Variants in UTRN observed in about 807,000 individuals in gnomAD.
UTRN encodes the protein dystrophin-related protein 1.
Under a neutral mutation model 463.9 loss-of-function variants are expected in UTRN, and 283 were observed. The ratio of observed to expected loss-of-function variants is 0.61; its 90% CI spans 0.55 to 0.67. UTRN has a LOEUF of 0.67. Among genes scored for constraint, UTRN ranks in the 30% least tolerant of loss-of-function variants. UTRN has a pLI of 0.00. For missense variants in UTRN, 3,922 were observed against 4,084.3 expected, an observed-to-expected ratio of 0.96 and a Z score of 1.08; for synonymous variants, 1,442 against 1,431.5, an observed-to-expected ratio of 1.01 and a Z score of -0.17.
intron 63 of UTRN, among the ~76,000 whole-genome samples, chr6:144,795,347 T>C (rs1462680765): frequency 1.3e-5 from 2 of 152,236 alleles, no homozygotes; most frequent in Non-Finnish European, 2.9e-5. Flanking sequence ...CGCATGTGTC[T>C]TTATAGTAGA....
intron 2 of UTRN, among the ~76,000 whole-genome samples, chr6:144,323,660 CCTTGTTCTCTCTTTCTCTTG>C (rs1422363373): frequency 3.3e-5 from 5 of 152,104 alleles, no homozygotes; most frequent in African/African-American, 1.2e-4. Context: ...TCTTTCTCTT[CCTTGTTCTCTCTTTCTCTTG>C]CTTGTTTTTT....
intron 50 of UTRN, among the ~76,000 whole-genome samples, 181 bp from the exon 51 acceptor site, chr6:144,576,918 T>A (rs1052794788): frequency 2.0e-5 from 3 of 152,204 alleles, no homozygotes; most frequent in African/African-American, 7.2e-5. Context: ...AGAATTCACA[T>A]GATCCCTCCA....
chr6:144,744,618 CACACACACACAT>C (rs141369188), intron 54 of UTRN, among the ~76,000 whole-genome samples: 20,328 of 97,086 alleles, frequency 0.21, 1,733 homozygotes, highest in East Asian at 0.56. Context: ...CACACACACA[CACACACACACAT>C]ACACACACAC....
In UTRN at chr6:144,683,075, G is replaced by A. The variant is rs547506664; in HGVS notation, c.7652+4497G>A. On this transcript the variant is annotated intron_variant, in intron 52 of 74. Coordinates refer to ENST00000367545, the MANE Select transcript of UTRN (RefSeq NM_007124.3). ...GTGCTCAAGGGGCATTCATCATGTG[G>A]CCAATAGAGAACTCAAATGCCATGT... is the stretch of plus-strand genomic sequence containing the variant. 5.3e-5 allele frequency among the ~76,000 whole-genome samples: 8 copies of A among 152,244 alleles called. No homozygotes were observed. The East Asian group carries it at 9.6e-4, about 18-fold the overall frequency.
chr6:144,456,554 G>A (rs1473410657), intron 19 of UTRN, among the ~76,000 whole-genome samples: 1 of 151,770 alleles, frequency 6.6e-6, no homozygotes, highest in Non-Finnish European at 1.5e-5. Context: ...TCAGGAGGCT[G>A]AGGCAGGAGA....
intron 54 of UTRN, among the ~76,000 whole-genome samples, chr6:144,736,049 TTTG>T (rs1442031557): frequency 2.6e-5 from 4 of 152,336 alleles, no homozygotes; most frequent in East Asian, 3.9e-4. Context: ...TATGGTTTTT[TTTG>T]TTGTTGTTTG....
At chr6:144,802,404 G>A (rs1007952177) in intron 64 of UTRN, among the ~76,000 whole-genome samples, 3 of 152,044 alleles carry the variant, frequency 2.0e-5, no homozygotes, top group African/African-American at 7.2e-5. Context: ...TTTTTCTGTA[G>A]ATGTGGGTAT....
chr6:144,678,921 C>A, intron 52 of UTRN, among the ~76,000 whole-genome samples: 1 of 152,008 alleles, frequency 6.6e-6, no homozygotes, highest in Non-Finnish European at 1.5e-5. Context: ...ATTTCGTAAT[C>A]AAAAAATCCT....
chr6:144,674,231 C>G (rs1781359711), intron 51 of UTRN, among the ~76,000 whole-genome samples: 1 of 147,616 alleles, frequency 6.8e-6, no homozygotes, highest in Admixed American at 6.8e-5. Context: ...TTTTTTTTTT[C>G]AAATAAATTT....
At chr6:144,395,000 A>T (rs1013379459) in intron 2 of UTRN, among the ~76,000 whole-genome samples, 2 of 152,154 alleles carry the variant, frequency 1.3e-5, no homozygotes, top group Admixed American at 6.5e-5. Context: ...CCAGGCTTAT[A>T]CATCTAGAAT....
At chr6:144,381,601 G>A (rs1780934818) in intron 2 of UTRN, among the ~76,000 whole-genome samples, 1 of 152,158 alleles carries the variant, frequency 6.6e-6, no homozygotes, top group Non-Finnish European at 1.5e-5. Context: ...TTGAATCATG[G>A]AGGCAAGTCT....
intron 66 of UTRN, among the ~76,000 whole-genome samples, chr6:144,822,621 C>G (rs1779700610): frequency 6.6e-6 from 1 of 152,094 alleles, no homozygotes; most frequent in African/African-American, 2.4e-5. Context: ...CGAATACATT[C>G]AGGAACAGTA....
chr6:144,568,629 C>A (rs1372883033), intron 50 of UTRN, among the ~76,000 whole-genome samples: 1 of 152,150 alleles, frequency 6.6e-6, no homozygotes, highest in East Asian at 1.9e-4. Context: ...GCACACTACT[C>A]ATCTATTCCC....
chr6:144,710,725 T>G (rs1173452393), intron 53 of UTRN, among the ~76,000 whole-genome samples: 1 of 152,228 alleles, frequency 6.6e-6, no homozygotes. Context: ...TCTTTTCTGA[T>G]AGTTTTGATC....
chr6:144,615,568 C>T (rs1014306651), intron 51 of UTRN, among the ~76,000 whole-genome samples: 3 of 152,126 alleles, frequency 2.0e-5, no homozygotes, highest in African/African-American at 4.8e-5. Context: ...CTCTAAGTCA[C>T]GCTTGATTGC....
intron 51 of UTRN, among the ~76,000 whole-genome samples, chr6:144,589,063 G>A (rs1802750437): frequency 6.6e-6 from 1 of 152,172 alleles, no homozygotes; most frequent in Non-Finnish European, 1.5e-5. Context: ...AAAGCAGACA[G>A]TGCCTTTTAG....
At chr6:144,660,592 A>G (rs1248812937) in intron 51 of UTRN, among the ~76,000 whole-genome samples, 1 of 152,222 alleles carries the variant, frequency 6.6e-6, no homozygotes, top group Non-Finnish European at 1.5e-5. Flanking sequence ...AATGAAAATA[A>G]AATAAAAATC....
intron 9 of UTRN, among the ~76,000 whole-genome samples, chr6:144,431,663 T>C (rs917626915): frequency 1.3e-5 from 2 of 152,228 alleles, no homozygotes; most frequent in African/African-American, 4.8e-5. Context: ...TGGATGCTGG[T>C]GCCTATCTCA....
In UTRN at chr6:144,447,725, G is replaced by A. The variant is rs780604221; in HGVS notation, c.1846G>A (p.Glu616Lys). The change falls in exon 16 of 75, where the codon GAA becomes AAA. Residue 616 changes from glutamate (E) to lysine (K), a missense_variant. This residue lies in a region of UTRN where 2,349 missense variants were observed against 2,303.8 expected (regional missense o/e 1.02). Coordinates refer to ENST00000367545, the MANE Select transcript of UTRN (RefSeq NM_007124.3). ...TAAGAAGATCAACAGTGACTCAGAG[G>A]AACTGACTCAAAGATGGGATTCTTT... ...ASKKINSDSE[E>K]LTQRWDSLVQ... is the part of the protein sequence containing the mutation. 1 of 1,613,962 alleles carries A rather than the reference G, an allele frequency of 6.2e-7. No individual in the cohort carries two copies. The highest frequency in any genetic ancestry group is 1.1e-5 in the South Asian group (1 of 91,026).
Sources: gnomAD v4.1 joint callset for allele counts (sites outside exome capture counted in the v4.1 genomes callset) on GRCh38, gnomAD v4.1.1 for gene constraint, gnomAD v4.1.1 regional missense constraint, MANE v1.5 for transcripts, NCBI Gene and HGNC (gene_info 2026-07-23, HGNC 2026-07-21) for gene names.